HS3ST4: variants seen among roughly 807,000 people sequenced by gnomAD.
HS3ST4 encodes the protein heparan sulfate glucosamine 3-O-sulfotransferase 4.
HS3ST4 carries 17 observed loss-of-function variants against 29.2 expected under a neutral mutation model. The observed-to-expected ratio is 0.58, with a 90% CI of 0.40 to 0.87. HS3ST4 has a LOEUF of 0.87. Ranked by LOEUF, HS3ST4 falls within the 40% of genes least tolerant of loss-of-function variation. The pLI is 0.00. For synonymous variants in HS3ST4, 314 were observed against 285.7 expected (o/e 1.10, Z -1.00); for missense variants, 627 against 634.5 (o/e 0.99, Z 0.13).
intron 1 of HS3ST4, among the ~76,000 whole-genome samples, chr16:25,924,752 G>A (rs146329343): frequency 1.3e-5 from 2 of 152,252 alleles, no homozygotes; most frequent in Admixed American, 6.5e-5. Flanking sequence ...GACTTGAAGT[G>A]CACTTGCTTC....
chr16:25,969,583 A>T (rs1451744874), intron 1 of HS3ST4, among the ~76,000 whole-genome samples: 1 of 152,166 alleles, frequency 6.6e-6, no homozygotes, highest in Non-Finnish European at 1.5e-5. Flanking sequence ...TGTCTGAGAT[A>T]TGGCCTGGGA....
intron 1 of HS3ST4, among the ~76,000 whole-genome samples, chr16:25,701,091 C>A (rs566262005): frequency 1.3e-5 from 2 of 152,198 alleles, no homozygotes; most frequent in African/African-American, 2.4e-5. Flanking sequence ...CACTAGGCCC[C>A]TGTCTCTTTC....
rs552203535 is a variant in HS3ST4, at chr16:25,711,532, G to T, written c.734+18381G>T. 2.0e-5 allele frequency among the ~76,000 whole-genome samples: 3 copies of T among 152,260 alleles called. No homozygotes were observed. In the East Asian group the frequency reaches 5.8e-4, roughly 29 times the overall value. On this transcript the variant is annotated intron_variant, in intron 1 of 1. Transcript: ENST00000331351. ...GAGGAGCTGGTGGCAGAGACATCAGGTGTTTGCTCAGTGACACAGTGACAT... is the reference window on the plus strand; with the variant it reads ...GAGGAGCTGGTGGCAGAGACATCAGTTGTTTGCTCAGTGACACAGTGACAT...
chr16:25,984,936 A>G (rs558507035), intron 1 of HS3ST4, among the ~76,000 whole-genome samples: 1 of 152,050 alleles, frequency 6.6e-6, no homozygotes, highest in African/African-American at 2.4e-5. Context: ...AACTCCTCTA[A>G]CCTCTTGGCC....
intron 1 of HS3ST4, among the ~76,000 whole-genome samples, chr16:26,064,280 T>A (rs1898515667): frequency 6.6e-6 from 1 of 152,192 alleles, no homozygotes; most frequent in Non-Finnish European, 1.5e-5. Context: ...AGTTTTTAAA[T>A]GTTAGTTACT....
chr16:25,824,437 C>G (rs1199788199), intron 1 of HS3ST4, among the ~76,000 whole-genome samples: 2 of 152,116 alleles, frequency 1.3e-5, no homozygotes, highest in African/African-American at 4.8e-5. Flanking sequence ...CTTTGGAGGC[C>G]TCACAGTCAT....
intron 1 of HS3ST4, among the ~76,000 whole-genome samples, chr16:25,872,560 A>G (rs1270679516): frequency 6.6e-6 from 1 of 151,874 alleles, no homozygotes; most frequent in Non-Finnish European, 1.5e-5. Flanking sequence ...GAGCTCGCCC[A>G]TGTGTCTCTC....
chr16:26,133,156 T>C (rs1899442314), intron 1 of HS3ST4, among the ~76,000 whole-genome samples: 1 of 152,134 alleles, frequency 6.6e-6, no homozygotes, highest in Non-Finnish European at 1.5e-5. Flanking sequence ...TGCCCTTCTG[T>C]AAGAATTACT....
chr16:25,966,589 T>A (rs1968845334), intron 1 of HS3ST4, among the ~76,000 whole-genome samples: 1 of 152,174 alleles, frequency 6.6e-6, no homozygotes, highest in Non-Finnish European at 1.5e-5. Context: ...GCAGACTGAC[T>A]TTTGACTAGG....
At chr16:26,075,629 G>T (rs923602886) in intron 1 of HS3ST4, among the ~76,000 whole-genome samples, 1 of 152,188 alleles carries the variant, frequency 6.6e-6, no homozygotes, top group African/African-American at 2.4e-5. Flanking sequence ...CTGGATAGAA[G>T]TGCACAGGGA....
At chr16:25,807,947 G>A (rs949034642) in intron 1 of HS3ST4, among the ~76,000 whole-genome samples, 7 of 152,130 alleles carry the variant, frequency 4.6e-5, no homozygotes, top group Non-Finnish European at 7.4e-5. Flanking sequence ...TCTTTGGTGT[G>A]TTCATGTCTT....
chr16:26,104,679 C>T (rs1357514018), intron 1 of HS3ST4, among the ~76,000 whole-genome samples: 3 of 152,240 alleles, frequency 2.0e-5, no homozygotes, highest in African/African-American at 7.2e-5. Flanking sequence ...ATCCAATTCT[C>T]TCCTCAACAT....
chr16:25,978,234 A>T (rs1596633307), intron 1 of HS3ST4, among the ~76,000 whole-genome samples: 1 of 152,238 alleles, frequency 6.6e-6, no homozygotes, highest in East Asian at 1.9e-4. Context: ...GGACAGTGAC[A>T]CATGGTTCTC....
chr16:25,830,088 A>G (rs1474303690), intron 1 of HS3ST4, among the ~76,000 whole-genome samples: 1 of 152,106 alleles, frequency 6.6e-6, no homozygotes, highest in African/African-American at 2.4e-5. Flanking sequence ...GCCTCCCAAA[A>G]TACTGAGATT....
chr16:25,892,106 G>A (rs1968015204), intron 1 of HS3ST4, among the ~76,000 whole-genome samples: 1 of 152,166 alleles, frequency 6.6e-6, no homozygotes, highest in Non-Finnish European at 1.5e-5. Flanking sequence ...AACAAGCAAG[G>A]AATTTAGTGG....
chr16:25,887,607 G>T (rs1280858322), intron 1 of HS3ST4, among the ~76,000 whole-genome samples: 1 of 152,054 alleles, frequency 6.6e-6, no homozygotes, highest in African/African-American at 2.4e-5. Context: ...GGCTCTGAAG[G>T]TTGGAAGTCA....
At chr16:25,931,933 A>G (rs1968467915) in intron 1 of HS3ST4, among the ~76,000 whole-genome samples, 1 of 152,108 alleles carries the variant, frequency 6.6e-6, no homozygotes, top group Non-Finnish European at 1.5e-5. Context: ...TGGGGGAAAC[A>G]ATTCTATTGA....
intron 1 of HS3ST4, among the ~76,000 whole-genome samples, chr16:26,074,829 G>A (rs1490212000): frequency 1.3e-5 from 2 of 152,100 alleles, no homozygotes; most frequent in African/African-American, 4.8e-5. Flanking sequence ...CCCCGACTCT[G>A]AGCTTCAAGC....
chr16:25,826,656 A>C (rs543175947), intron 1 of HS3ST4, among the ~76,000 whole-genome samples: 6 of 152,326 alleles, frequency 3.9e-5, no homozygotes, highest in African/African-American at 1.4e-4. Context: ...TATAAAAAAA[A>C]GGAAGATAGT....
Sources: gnomAD v4.1 joint callset for allele counts (sites outside exome capture counted in the v4.1 genomes callset) on GRCh38, gnomAD v4.1.1 for gene constraint, MANE v1.5 for transcripts, NCBI Gene and HGNC (gene_info 2026-07-23, HGNC 2026-07-21) for gene names.